The following SUCLG2 variants were observed in gnomAD, a reference collection of about 807,000 sequenced individuals.
SUCLG2 encodes succinate-CoA ligase GDP-forming subunit beta, also known as succinate--CoA ligase [GDP-forming] subunit beta, mitochondrial.
A neutral mutation model predicts 47.9 loss-of-function variants in SUCLG2; 42 were observed. That is an observed-to-expected ratio of 0.88 (90% CI 0.69 to 1.14). The LOEUF is 1.14. Ranked by LOEUF, SUCLG2 falls within the 50% of genes most tolerant of loss-of-function variation. The probability of loss-of-function intolerance (pLI) is 0.00; values close to 1 mark genes in which losing one functional copy is unlikely to be tolerated. For missense variants in SUCLG2, 571 were observed against 525.9 expected (o/e 1.09, Z -0.84); for synonymous variants, 195 against 197.3 (o/e 0.99, Z 0.10).
intron 10 of SUCLG2, among the ~76,000 whole-genome samples, chr3:67,385,875 G>A (rs945994137): frequency 1.3e-5 from 2 of 152,146 alleles, no homozygotes; most frequent in African/African-American, 4.8e-5. Flanking sequence ...TGGCTGGATG[G>A]GCTGTGAACA....
At chr3:67,439,264 A>G (rs145915315) in intron 9 of SUCLG2, among the ~76,000 whole-genome samples, 51 of 152,332 alleles carry the variant, frequency 3.3e-4, no homozygotes, top group Non-Finnish European at 6.0e-4. Context: ...ATTTATGACA[A>G]TCCCACAGAC....
chr3:67,510,972 C>A (rs538812211), intron 6 of SUCLG2, among the ~76,000 whole-genome samples: 56 of 150,570 alleles, frequency 3.7e-4, no homozygotes, highest in African/African-American at 1.3e-3. Flanking sequence ...CTCACTGCAA[C>A]CTCCACCTGC....
intron 7 of SUCLG2, among the ~76,000 whole-genome samples, chr3:67,504,851 CAGGT>C (rs1258726305): frequency 6.6e-6 from 1 of 152,044 alleles, no homozygotes; most frequent in African/African-American, 2.4e-5. Context: ...CATGAATGCG[CAGGT>C]AGATAAATAA....
At chr3:67,608,197 G>A (rs1322719469) in intron 2 of SUCLG2, among the ~76,000 whole-genome samples, 1 of 152,084 alleles carries the variant, frequency 6.6e-6, no homozygotes, top group Admixed American at 6.6e-5. Flanking sequence ...CTCAGAGGGT[G>A]CTCTCCCCAT....
intron 2 of SUCLG2, among the ~76,000 whole-genome samples, chr3:67,584,930 C>T (rs1388788632): frequency 6.6e-6 from 1 of 152,014 alleles, no homozygotes; most frequent in Non-Finnish European, 1.5e-5. Context: ...GGTCCCTCCC[C>T]AAGACACATG....
At chr3:67,371,605 C>T (rs1449842840), downstream of SUCLG2, among the ~76,000 whole-genome samples, 1 of 152,188 alleles carries the variant, frequency 6.6e-6, no homozygotes, top group East Asian at 1.9e-4. Flanking sequence ...GTCCATATGA[C>T]CTGCCAGTTG....
At chr3:67,501,606 G>T (rs1014393510) in intron 7 of SUCLG2, among the ~76,000 whole-genome samples, 5 of 152,108 alleles carry the variant, frequency 3.3e-5, no homozygotes, top group Non-Finnish European at 7.4e-5. Flanking sequence ...CTTGGTGGAG[G>T]CTTCTGTATG....
At chr3:67,361,802 T>C (rs927031930) in intron 10 of SUCLG2, among the ~76,000 whole-genome samples, 5 of 152,202 alleles carry the variant, frequency 3.3e-5, no homozygotes, top group Admixed American at 2.6e-4. Flanking sequence ...CTTTGGCTAA[T>C]AGAATTTTAG....
chr3:67,653,676 T>C (rs997844971), intron 1 of SUCLG2, among the ~76,000 whole-genome samples: 1 of 152,312 alleles, frequency 6.6e-6, no homozygotes, highest in Non-Finnish European at 1.5e-5. Context: ...GGAAGAGAGA[T>C]AGTCTACGGA....
chr3:67,540,014 G>A (rs545585685), intron 2 of SUCLG2, among the ~76,000 whole-genome samples: 19 of 151,714 alleles, frequency 1.3e-4, no homozygotes, highest in Admixed American at 1.1e-3. Context: ...ACAGCTCCCG[G>A]ATTCATTGAT....
At chr3:67,530,135 A>C (rs79117291) in intron 2 of SUCLG2, among the ~76,000 whole-genome samples, 8,509 of 152,242 alleles carry the variant, frequency 0.056, 340 homozygotes, top group East Asian at 0.18. Flanking sequence ...AGGCCATGAG[A>C]GTATTCTGGT....
chr3:67,621,732 G>C (rs1559600799), intron 1 of SUCLG2, among the ~76,000 whole-genome samples: 1 of 152,122 alleles, frequency 6.6e-6, no homozygotes, highest in Non-Finnish European at 1.5e-5. Flanking sequence ...TGGGGACTAT[G>C]CAGAAGAGGT....
intron 1 of SUCLG2, among the ~76,000 whole-genome samples, chr3:67,653,991 G>C (rs1260825736): frequency 1.3e-5 from 2 of 152,186 alleles, no homozygotes; most frequent in Non-Finnish European, 2.9e-5. Flanking sequence ...ACCAACTCAG[G>C]CACATTAAAA....
At chr3:67,391,606 C>T (rs535165294) in intron 10 of SUCLG2, among the ~76,000 whole-genome samples, 4 of 152,240 alleles carry the variant, frequency 2.6e-5, no homozygotes, top group African/African-American at 4.8e-5. Flanking sequence ...AAGGCAGCCT[C>T]GGTAGATTGA....
intron 2 of SUCLG2, among the ~76,000 whole-genome samples, chr3:67,542,777 C>T (rs1430377981): frequency 6.6e-6 from 1 of 152,162 alleles, no homozygotes; most frequent in Non-Finnish European, 1.5e-5. Context: ...AGCTAACCAT[C>T]CTCAATATAT....
chr3:67,606,867 G>A (rs1024996478), intron 2 of SUCLG2, among the ~76,000 whole-genome samples: 7 of 152,218 alleles, frequency 4.6e-5, no homozygotes, highest in South Asian at 2.1e-4. Context: ...GTTGACCCTC[G>A]ATAAATATTT....
intron 2 of SUCLG2, among the ~76,000 whole-genome samples, chr3:67,567,392 C>G (rs1707482186): frequency 6.6e-6 from 1 of 151,672 alleles, no homozygotes; most frequent in South Asian, 2.1e-4. Flanking sequence ...AACTCCTGGA[C>G]TCAATCAGTC....
At chr3:67,528,295 G>A in intron 3 of SUCLG2, 73 bp from the exon 4 acceptor site, 2 of 1,338,790 alleles carry the variant, frequency 1.5e-6, no homozygotes, top group Non-Finnish European at 2.1e-6. Flanking sequence ...CTTACACAGA[G>A]CCTCATGTCT....
Position 67,529,129 on chromosome 3 carries a change from A to G in SUCLG2, c.284T>C (p.Val95Ala), listed in dbSNP as rs1436849307. 2 of 1,613,408 alleles carry G rather than the reference A, an allele frequency of 1.2e-6. No homozygotes were observed. Among genetic ancestry groups the G allele is most frequent in the African/African-American group, 2.7e-5 (2 of 74,880 alleles). ...QILAGGRGKG[V>A]FNSGLKGGVH... Reference sequence around the variant, plus strand: ...ACCTCCTTTCAAACCACTATTGAAGACACCTTTTCCTCTTCCTCCAGCTAA... The same window carrying G: ...ACCTCCTTTCAAACCACTATTGAAGGCACCTTTTCCTCTTCCTCCAGCTAA... The change falls in exon 3 of 11, where the codon GTC becomes GCC. Residue 95 changes from valine (V) to alanine (A), a missense_variant. Val to Ala is a moderately conservative substitution (Grantham distance 64). Coordinates refer to ENST00000307227, the MANE Select transcript of SUCLG2 (RefSeq NM_003848.4).
Sources: gnomAD v4.1 joint callset for allele counts (sites outside exome capture counted in the v4.1 genomes callset) on GRCh38, gnomAD v4.1.1 for gene constraint, MANE v1.5 for transcripts, NCBI Gene and HGNC (gene_info 2026-07-23, HGNC 2026-07-21) for gene names.